SLC16A1: variants seen among roughly 807,000 people sequenced by gnomAD.
SLC16A1 encodes solute carrier family 16 member 1.
A neutral mutation model predicts 32.2 loss-of-function variants in SLC16A1; 11 were observed. The ratio of observed to expected loss-of-function variants is 0.34; its 90% CI spans 0.21 to 0.56. SLC16A1 has a LOEUF of 0.56. Among genes scored for constraint, SLC16A1 ranks in the 20% least tolerant of loss-of-function variants. The probability of loss-of-function intolerance (pLI) is 0.87; values close to 1 mark genes in which losing one functional copy is unlikely to be tolerated. For synonymous variants in SLC16A1, 231 were observed against 226.8 expected (o/e 1.02, Z -0.17); for missense variants, 435 against 615.0 (o/e 0.71, Z 3.10).
chr1:112,939,148 C>T (rs1419910863), intron 1 of SLC16A1, among the ~76,000 whole-genome samples: 6 of 152,062 alleles, frequency 3.9e-5, no homozygotes, highest in Non-Finnish European at 2.9e-5. Context: ...GCCTCAGCCT[C>T]CCAAAGTGCT....
In SLC16A1 at chr1:112,918,053, ACAATAAAT is replaced by A; in HGVS notation, c.362-17_362-10del. On this transcript the variant is annotated splice_polypyrimidine_tract_variant and intron_variant, in intron 3 of 4. Transcript: ENST00000369626. ...GAAGGCAAGCCCAAGACCTGTGAAGACAATAAATAAATAAATAAATAAATAAATAAATA... is the reference window on the plus strand; with the variant it reads ...GAAGGCAAGCCCAAGACCTGTGAAGAAAATAAATAAATAAATAAATAAATA... The A allele has an allele frequency of 7.7e-7, 1 of 1,295,864 alleles. No individual in the cohort carries two copies. Among genetic ancestry groups the A allele is most frequent in the Admixed American group, 3.4e-5 (1 of 29,598 alleles). 80.3% of individuals were successfully genotyped at this position (1,295,864 alleles called of 1,614,324 possible).
At chr1:112,927,532 C>A (rs1648984291) in intron 2 of SLC16A1, among the ~76,000 whole-genome samples, 1 of 152,066 alleles carries the variant, frequency 6.6e-6, no homozygotes. Flanking sequence ...ATTTAGAAAC[C>A]AAACCAAACA....
chr1:112,930,523 A>C (rs1395234141), intron 1 of SLC16A1, among the ~76,000 whole-genome samples: 1 of 152,150 alleles, frequency 6.6e-6, no homozygotes, highest in Non-Finnish European at 1.5e-5. Flanking sequence ...AAAGCTTTAG[A>C]GTCATAGTAT....
At chr1:112,916,335 T>C (rs1648504484) in intron 4 of SLC16A1, among the ~76,000 whole-genome samples, 1 of 150,548 alleles carries the variant, frequency 6.6e-6, no homozygotes, top group African/African-American at 2.4e-5. Flanking sequence ...CCGTCTCTAC[T>C]AAAAATACAA....
rs1250122953 is a variant in SLC16A1, at chr1:112,913,737, G to A, written c.*154C>T. 10 of 909,846 alleles carry A rather than the reference G, an allele frequency of 1.1e-5. No homozygotes were observed. The highest frequency in any genetic ancestry group is 1.6e-5 in the African/African-American group (1 of 61,434). 56.4% of individuals were successfully genotyped at this position (909,846 alleles called of 1,614,324 possible). A position where few individuals can be genotyped will look rare whatever the true frequency, so the allele number is the denominator to read the frequency against. On this transcript the variant is annotated 3_prime_UTR_variant, in exon 5 of 5. Coordinates refer to ENST00000369626, the MANE Select transcript of SLC16A1 (RefSeq NM_003051.4). ...CTCAAATTCAGGCTATTGGTAAGGA[G>A]TCAAACAAAAATCCCATCAATGAAC...
rs1648363810 is a variant in SLC16A1, at chr1:112,912,727, A to G, written c.*1164T>C. 1.3e-5 allele frequency: 2 copies of G among 152,160 alleles called. No individual in the cohort carries two copies. Among genetic ancestry groups the G allele is most frequent in the South Asian group, 4.1e-4 (2 of 4,832 alleles). 9.4% of individuals were successfully genotyped at this position (152,160 alleles called of 1,614,324 possible). On this transcript the variant is annotated 3_prime_UTR_variant, in exon 5 of 5. Coordinates refer to ENST00000369626, the MANE Select transcript of SLC16A1 (RefSeq NM_003051.4). ...TTACTTATTAAAACTAAGCACACTT[A>G]GCAACTTCTTTCCCAATCCTATCTT...
chr1:112,921,906 C>A, intron 3 of SLC16A1, 84 bp downstream of exon 3: 2 of 1,482,080 alleles, frequency 1.3e-6, no homozygotes, highest in Non-Finnish European at 1.9e-6. Flanking sequence ...GAATTTCACT[C>A]CAGAGATCTG....
At chr1:112,935,407 C>CA (rs536347192) in intron 1 of SLC16A1, among the ~76,000 whole-genome samples, 60 of 144,990 alleles carry the variant, frequency 4.1e-4, no homozygotes, top group Non-Finnish European at 4.4e-4. Context: ...GACTCCGCTT[C>CA]AAAAAAAAAA....
intron 4 of SLC16A1, among the ~76,000 whole-genome samples, chr1:112,915,877 G>T (rs1449262740): frequency 6.6e-6 from 1 of 152,136 alleles, no homozygotes. Flanking sequence ...CAGAAGAAGG[G>T]TCAAATTATT....
chr1:112,936,504 A>G (rs1570637304), intron 1 of SLC16A1, among the ~76,000 whole-genome samples: 1 of 149,664 alleles, frequency 6.7e-6, no homozygotes, highest in East Asian at 2.0e-4. Flanking sequence ...AAAAAAAAAA[A>G]GGAGAAGGCA....
chr1:112,948,702 C>A (rs1649785887), intron 1 of SLC16A1, among the ~76,000 whole-genome samples: 1 of 152,094 alleles, frequency 6.6e-6, no homozygotes, highest in African/African-American at 2.4e-5. Context: ...AGGGTTTCAT[C>A]ATGTTGGCCA....
intron 1 of SLC16A1, among the ~76,000 whole-genome samples, chr1:112,947,361 T>C (rs553744403): frequency 1.3e-5 from 2 of 152,302 alleles, no homozygotes; most frequent in East Asian, 3.9e-4. Flanking sequence ...TAAATGAGTA[T>C]TCGAATATAT....
In SLC16A1 at chr1:112,929,081, T is replaced by A. The variant is rs200075457; in HGVS notation, c.217+11A>T. The A allele has an allele frequency of 3.2e-5, 52 of 1,604,444 alleles. 1 individual carries two copies. The Middle Eastern group carries it at 4.9e-4, about 15-fold the overall frequency. ...TGAAAATTAAAAGAGCAGGCCTTAATGGGTACTTACCTCCACCATACATGA... is the reference window on the plus strand; with the variant it reads ...TGAAAATTAAAAGAGCAGGCCTTAAAGGGTACTTACCTCCACCATACATGA... On this transcript the variant is annotated intron_variant, in intron 2 of 4. Coordinates refer to ENST00000369626, the MANE Select transcript of SLC16A1 (RefSeq NM_003051.4).
At chr1:112,923,360 A>G (rs1171554304) in intron 2 of SLC16A1, 1 of 546,992 alleles carries the variant, frequency 1.8e-6, no homozygotes, top group Non-Finnish European at 3.3e-6. Context: ...AACTCCAGGG[A>G]GCTGATGCTT....
intron 3 of SLC16A1, among the ~76,000 whole-genome samples, chr1:112,919,071 C>T (rs1461910899): frequency 7.1e-6 from 1 of 139,886 alleles, no homozygotes; most frequent in Non-Finnish European, 1.6e-5. Flanking sequence ...TGCTCTGCCG[C>T]CCAGGCTGGA....
chr1:112,931,345 T>C (rs1360538624), intron 1 of SLC16A1, among the ~76,000 whole-genome samples: 2 of 152,070 alleles, frequency 1.3e-5, no homozygotes, highest in African/African-American at 4.8e-5. Flanking sequence ...ATATATGATG[T>C]CAAAAGATGG....
At chr1:112,923,261 G>GTGAGCTGAGAT (rs1553208772) in intron 2 of SLC16A1, among the ~76,000 whole-genome samples, 2 of 151,662 alleles carry the variant, frequency 1.3e-5, no homozygotes, top group Admixed American at 6.6e-5. Flanking sequence ...GGAGGTTGCG[G>GTGAGCTGAGAT]TGAGCCATTG....
chr1:112,917,545 A>C lies in SLC16A1; in HGVS notation c.861T>G (p.Tyr287Ter), dbSNP rs1405643704. 6.2e-7 allele frequency: 1 copy of C among 1,614,252 alleles called. No homozygotes were observed. Among genetic ancestry groups the C allele is most frequent in the South Asian group, 1.1e-5 (1 of 91,084 alleles). ...LFAPLVFLSSYGKSQHYSSEK... is the reference protein window; with the variant it reads ...LFAPLVFLSS The stretch of plus-strand genomic sequence containing the variant: ...CACTAGAATAATGCTGACTCTTCCC[A>C]TAACTACTAAGAAACACCAAAGGTG... The change falls in exon 4 of 5, where the codon TAT (tyrosine) becomes TAG (stop). Residue 287 changes from tyrosine to a stop codon, truncating the protein, a stop_gained. Coordinates refer to ENST00000369626, the MANE Select transcript of SLC16A1 (RefSeq NM_003051.4). LOFTEE classifies it high-confidence loss of function. This position sits in a 1 kb window ranked among gnomAD's most constrained non-coding sequence, Gnocchi z 4.1.
intron 2 of SLC16A1, chr1:112,923,488 T>G: frequency 2.3e-6 from 2 of 880,082 alleles, no homozygotes; most frequent in Non-Finnish European, 3.9e-6. Context: ...CGCGCCTTCC[T>G]GGAGCACGGC....
Sources: allele counts gnomAD v4.1 joint callset (sites outside exome capture counted in the v4.1 genomes callset), GRCh38; gene constraint gnomAD v4.1.1; non-coding constraint Gnocchi (gnomAD v3.1); transcripts MANE v1.5; gene names NCBI Gene and HGNC (gene_info 2026-07-23, HGNC 2026-07-21).